Variants in NMNAT3 observed in about 807,000 individuals in gnomAD.
NMNAT3 encodes the protein nicotinamide/nicotinic acid mononucleotide adenylyltransferase 3.
A neutral mutation model predicts 24.8 loss-of-function variants in NMNAT3; 21 were observed. The ratio of observed to expected loss-of-function variants is 0.85; its 90% CI spans 0.60 to 1.22. The LOEUF is 1.22. NMNAT3 is among the 50% of genes most tolerant of loss of function. NMNAT3 has a pLI of 0.00. For missense variants in NMNAT3, 387 were observed against 436.6 expected (o/e 0.89, Z 1.01); for synonymous variants, 136 against 155.2 (o/e 0.88, Z 0.92).
Position 139,627,761 on chromosome 3 carries a change from C to T in NMNAT3, c.-37G>A. ...CATCCACACCTGTTGCAGTGGCCAC[C>T]CTGCTTTTATGGGGACAAAAGCTCA... On this transcript the variant is annotated 5_prime_UTR_variant, in exon 3 of 7. Coordinates refer to ENST00000643695, the MANE Select transcript of NMNAT3 (RefSeq NM_001320510.2). The T allele has an allele frequency of 7.6e-7, 1 of 1,316,832 alleles. No individual in the cohort carries two copies. The highest frequency in any genetic ancestry group is 1.3e-5 in the South Asian group (1 of 75,802). The allele number at this position is 1,316,832 out of a possible 1,614,324, so 81.6% of individuals were successfully genotyped here. A position where few individuals can be genotyped will look rare whatever the true frequency, so the allele number is the denominator to read the frequency against.
intron 4 of NMNAT3, among the ~76,000 whole-genome samples, chr3:139,580,745 C>T (rs765356702): frequency 2.0e-5 from 3 of 151,996 alleles, no homozygotes; most frequent in Admixed American, 6.6e-5. Flanking sequence ...TGGCAACTTA[C>T]ATTTTCCAGG....
chr3:139,596,964 A>ATATATATATATATTTT (rs1405063694), intron 3 of NMNAT3, among the ~76,000 whole-genome samples: 4 of 108,536 alleles, frequency 3.7e-5, no homozygotes, highest in Non-Finnish European at 7.4e-5. Flanking sequence ...ATATATATAT[A>ATATATATATATATTTT]TTTTTATTAC....
Position 139,560,694 on chromosome 3 carries a change from C to T in NMNAT3, c.*316G>A, listed in dbSNP as rs1936269536. On this transcript the variant is annotated 3_prime_UTR_variant, in exon 7 of 7. Coordinates refer to ENST00000643695, the MANE Select transcript of NMNAT3 (RefSeq NM_001320510.2). ...CATGCTCAGAACTGCATTCAGCGTGCATGCCATAATTACCATCCACACAAA... is the reference window on the plus strand; with the variant it reads ...CATGCTCAGAACTGCATTCAGCGTGTATGCCATAATTACCATCCACACAAA... 1 of 306,746 alleles carries T rather than the reference C, an allele frequency of 3.3e-6. No homozygotes were observed. The allele number at this position is 306,746 out of a possible 1,614,324, so 19.0% of individuals were successfully genotyped here.
chr3:139,619,284 A>G (rs2055652826), intron 3 of NMNAT3, among the ~76,000 whole-genome samples: 1 of 152,202 alleles, frequency 6.6e-6, no homozygotes, highest in Non-Finnish European at 1.5e-5. Flanking sequence ...TAGGTAGAAG[A>G]GTCCATTCTG....
intron 2 of NMNAT3, among the ~76,000 whole-genome samples, chr3:139,630,373 A>T (rs1197548588): frequency 6.6e-6 from 1 of 152,200 alleles, no homozygotes; most frequent in Non-Finnish European, 1.5e-5. Context: ...AGAGTTGGGG[A>T]TACAAGTGTC....
chr3:139,602,009 T>C (rs775306433), intron 3 of NMNAT3, among the ~76,000 whole-genome samples: 8 of 152,234 alleles, frequency 5.3e-5, no homozygotes, highest in Non-Finnish European at 1.2e-4. Context: ...TTAACATCCT[T>C]GCCCATTTCT....
At chr3:139,618,643 C>T (rs895366130) in intron 3 of NMNAT3, among the ~76,000 whole-genome samples, 31 of 152,100 alleles carry the variant, frequency 2.0e-4, no homozygotes, top group Non-Finnish European at 1.3e-4. Flanking sequence ...AATACACCCA[C>T]GGAAGAAAGA....
chr3:139,570,540 TTTGTTAGTTTTCC>T (rs1269943870), intron 6 of NMNAT3: 1 of 152,244 alleles, frequency 6.6e-6, no homozygotes, highest in Non-Finnish European at 1.5e-5. Context: ...GTCCTTTCTG[TTTGTTAGTTTTCC>T]TTCTAACAGA....
chr3:139,585,625 A>AG lies in NMNAT3; in HGVS notation c.110-2418dup, dbSNP rs2053906303. ...GAGACACTTCATATTTGCTTTTGCC[A>AG]GGCACCTAAAACTCATGAATAACCT... On this transcript the variant is annotated intron_variant, in intron 3 of 6. Transcript: ENST00000643695. Among the ~76,000 whole-genome samples, 6 of 152,342 alleles carry AG rather than the reference A, an allele frequency of 3.9e-5. No homozygotes were observed. In the South Asian group the frequency reaches 1.2e-3, roughly 32 times the overall value.
At chr3:139,611,824 G>T (rs2055229345) in intron 3 of NMNAT3, among the ~76,000 whole-genome samples, 1 of 152,142 alleles carries the variant, frequency 6.6e-6, no homozygotes, top group Non-Finnish European at 1.5e-5. Context: ...CAAATCAAGA[G>T]AACTAGTACT....
chr3:139,627,547 G>T, intron 3 of NMNAT3, 69 bp downstream of exon 4: 1 of 794,318 alleles, frequency 1.3e-6, no homozygotes, highest in Non-Finnish European at 2.0e-6. Context: ...AGTGATGCCA[G>T]CAGCCAGAAA....
chr3:139,617,898 G>T (rs1576659414), intron 3 of NMNAT3, among the ~76,000 whole-genome samples: 1 of 152,168 alleles, frequency 6.6e-6, no homozygotes, highest in Admixed American at 6.5e-5. Context: ...GAATGCTTTA[G>T]GTATGTCCAA....
At chr3:139,589,937 A>G (rs2054094711) in intron 3 of NMNAT3, among the ~76,000 whole-genome samples, 1 of 152,142 alleles carries the variant, frequency 6.6e-6, no homozygotes, top group Admixed American at 6.5e-5. Flanking sequence ...AGTAAACCCA[A>G]AAGCAGAAGG....
chr3:139,633,063 G>T (rs563076683), intron 2 of NMNAT3, among the ~76,000 whole-genome samples: 32 of 152,284 alleles, frequency 2.1e-4, no homozygotes, highest in African/African-American at 7.2e-4. Flanking sequence ...ACGGCCCCTA[G>T]CTGCTGGAGA....
intron 3 of NMNAT3, among the ~76,000 whole-genome samples, chr3:139,625,820 G>A (rs2056026443): frequency 1.3e-5 from 2 of 152,060 alleles, no homozygotes; most frequent in African/African-American, 4.8e-5. Flanking sequence ...ATTTTTTGTA[G>A]TGCAGGTTTG....
chr3:139,576,653 C>T lies in NMNAT3; in HGVS notation c.575+2219G>A, dbSNP rs454125. Among the ~76,000 whole-genome samples, 5 of 152,256 alleles carry T rather than the reference C, an allele frequency of 3.3e-5. No homozygotes were observed. The South Asian group carries it at 8.3e-4, about 25-fold the overall frequency. On this transcript the variant is annotated intron_variant, in intron 5 of 6. Coordinates refer to ENST00000643695, the MANE Select transcript of NMNAT3 (RefSeq NM_001320510.2). ...AATCACCAGGTAGCTTTTAAAAATC[C>T]TGATGCCCCAACCCAGACCAATGAC...
At chr3:139,563,124 A>G (rs1936661767) in intron 6 of NMNAT3, among the ~76,000 whole-genome samples, 1 of 152,184 alleles carries the variant, frequency 6.6e-6, no homozygotes, top group African/African-American at 2.4e-5. Context: ...ATTGTCTCCC[A>G]GTGTCTGGCC....
chr3:139,576,191 T>C (rs1939282039), intron 5 of NMNAT3: 2 of 985,318 alleles, frequency 2.0e-6, no homozygotes, highest in African/African-American at 1.7e-5. Context: ...ATTTCTACCA[T>C]GCTTCTAAAA....
chr3:139,615,211 C>T (rs575767228), intron 3 of NMNAT3, among the ~76,000 whole-genome samples: 1 of 152,062 alleles, frequency 6.6e-6, no homozygotes, highest in African/African-American at 2.4e-5. Flanking sequence ...ACAAAATGTT[C>T]CAAGTTTATC....
Sources: allele counts gnomAD v4.1 joint callset (sites outside exome capture counted in the v4.1 genomes callset), GRCh38; gene constraint gnomAD v4.1.1; transcripts MANE v1.5; gene names NCBI Gene and HGNC (gene_info 2026-07-23, HGNC 2026-07-21).